NEK10: variants seen among roughly 807,000 people sequenced by gnomAD.
NEK10 encodes serine/threonine-protein kinase Nek10.
NEK10 carries 122 observed loss-of-function variants against 159.8 expected under a neutral mutation model. The ratio of observed to expected loss-of-function variants is 0.76; its 90% CI spans 0.66 to 0.89. The LOEUF (loss-of-function observed/expected upper bound fraction) is 0.89. NEK10 is among the 40% of genes least tolerant of loss of function. The pLI is 0.00. For missense variants in NEK10, 1,342 were observed against 1,323.1 expected, an observed-to-expected ratio of 1.01 and a Z score of -0.22; for synonymous variants, 466 against 457.1, an observed-to-expected ratio of 1.02 and a Z score of -0.25.
intron 1 of NEK10, among the ~76,000 whole-genome samples, chr3:27,359,260 A>C (rs575999262): frequency 1.7e-4 from 26 of 152,158 alleles, no homozygotes; most frequent in Non-Finnish European, 2.6e-4. Flanking sequence ...GTGAAAATAC[A>C]TCAGATTAAA....
rs562834964 is a variant in NEK10 at position 27,219,849 on chromosome 3, A to G, written c.2091-17292T>C. 2.0e-3 allele frequency among the ~76,000 whole-genome samples: 306 copies of G among 152,362 alleles called. 2 individuals carry two copies. Among genetic ancestry groups the G allele is most frequent in the Admixed American group, 4.5e-3 (69 of 15,304 alleles). ...ATTGCAAGAAATTCACAAAAAAATTACAGCTAATATATGAGTTCAGTAAGT... is the reference window on the plus strand; with the variant it reads ...ATTGCAAGAAATTCACAAAAAAATTGCAGCTAATATATGAGTTCAGTAAGT... On this transcript the variant is annotated intron_variant, in intron 23 of 35. Transcript: ENST00000691995.
At chr3:27,307,119 C>G (rs1023481681) in intron 11 of NEK10, among the ~76,000 whole-genome samples, 2 of 152,166 alleles carry the variant, frequency 1.3e-5, no homozygotes, top group African/African-American at 4.8e-5. Flanking sequence ...GTTTTCAACA[C>G]CTGGTACCAA....
At chr3:27,341,122 C>T (rs1335005335) in intron 5 of NEK10, among the ~76,000 whole-genome samples, 1 of 152,070 alleles carries the variant, frequency 6.6e-6, no homozygotes, top group African/African-American at 2.4e-5. Flanking sequence ...TATGTGGTCT[C>T]ACTCATACAT....
intron 22 of NEK10, among the ~76,000 whole-genome samples, chr3:27,260,183 C>T (rs1193055077): frequency 6.6e-6 from 1 of 152,136 alleles, no homozygotes; most frequent in Non-Finnish European, 1.5e-5. Flanking sequence ...AATTTGACTT[C>T]CTTGTTTCCT....
chr3:27,295,787 A>G (rs1342905090), intron 14 of NEK10, 97 bp from the exon 15 acceptor site: 1 of 1,381,846 alleles, frequency 7.2e-7, no homozygotes, highest in Admixed American at 3.0e-5. Flanking sequence ...AATATCAAAG[A>G]AGAAATATTA....
intron 26 of NEK10, among the ~76,000 whole-genome samples, chr3:27,181,813 A>G (rs996233634): frequency 2.2e-4 from 34 of 152,312 alleles, no homozygotes; most frequent in African/African-American, 7.7e-4. Context: ...GGTCCCAGGA[A>G]AGAATAAATG....
chr3:27,353,194 A>T lies in NEK10; in HGVS notation c.-37-275T>A, dbSNP rs114332060. Among the ~76,000 whole-genome samples, 977 of 152,304 alleles carry T rather than the reference A, an allele frequency of 6.4e-3. 15 individuals carry two copies. Among genetic ancestry groups the T allele is most frequent in the African/African-American group, 0.022 (930 of 41,576 alleles). ...CAATTGGTTTGCTTTTATTTTTCTT[A>T]ATCAATTTCTAATGCAATTATTTTA... On this transcript the variant is annotated intron_variant, in intron 1 of 35. Transcript: ENST00000691995.
intron 30 of NEK10, among the ~76,000 whole-genome samples, chr3:27,154,171 A>G (rs916208470): frequency 2.0e-5 from 3 of 152,206 alleles, no homozygotes; most frequent in Non-Finnish European, 4.4e-5. Flanking sequence ...AACTATGAAC[A>G]CCTTTAAGAA....
chr3:27,315,186 C>T (rs548066807), intron 6 of NEK10, among the ~76,000 whole-genome samples: 79 of 152,244 alleles, frequency 5.2e-4, no homozygotes, highest in Non-Finnish European at 9.0e-4. Flanking sequence ...ACTTAACATG[C>T]CCACAAGGAA....
chr3:27,346,591 G>A (rs1241419137), intron 3 of NEK10, among the ~76,000 whole-genome samples: 1 of 152,162 alleles, frequency 6.6e-6, no homozygotes, highest in African/African-American at 2.4e-5. Context: ...GGCATCAGGA[G>A]GTTTTGAAGT....
chr3:27,201,186 T>G (rs1950012304), intron 25 of NEK10, among the ~76,000 whole-genome samples: 1 of 152,230 alleles, frequency 6.6e-6, no homozygotes, highest in Admixed American at 6.5e-5. Flanking sequence ...TTTTGCATAT[T>G]TTTATGAGGT....
intron 19 of NEK10, among the ~76,000 whole-genome samples, chr3:27,289,987 T>C (rs2042884608): frequency 1.3e-5 from 2 of 152,292 alleles, no homozygotes; most frequent in African/African-American, 4.8e-5. Flanking sequence ...GAATTATAAA[T>C]GAACAGTATT....
intron 3 of NEK10, among the ~76,000 whole-genome samples, chr3:27,349,674 G>A (rs549156089): frequency 1.3e-5 from 2 of 152,184 alleles, no homozygotes; most frequent in South Asian, 4.1e-4. Context: ...AAATGTGGAG[G>A]AAGAAAATAA....
At chr3:27,260,388 G>T (rs375787053) in intron 22 of NEK10, among the ~76,000 whole-genome samples, 2 of 152,056 alleles carry the variant, frequency 1.3e-5, no homozygotes, top group Non-Finnish European at 1.5e-5. Flanking sequence ...TTTTGAGATA[G>T]GTCCCATCAA....
At chr3:27,286,738 TG>T (rs2042647468) in intron 20 of NEK10, among the ~76,000 whole-genome samples, 1 of 152,044 alleles carries the variant, frequency 6.6e-6, no homozygotes, top group African/African-American at 2.4e-5. Flanking sequence ...AAAACGTTTT[TG>T]TTTTTTATAT....
intron 23 of NEK10, among the ~76,000 whole-genome samples, chr3:27,243,583 C>T (rs1954765489): frequency 2.0e-5 from 3 of 152,146 alleles, no homozygotes. Flanking sequence ...CATATACTGT[C>T]ATAATGTCTG....
chr3:27,171,182 T>TC (rs551586828), intron 29 of NEK10, among the ~76,000 whole-genome samples: 1 of 152,192 alleles, frequency 6.6e-6, no homozygotes, highest in Non-Finnish European at 1.5e-5. Flanking sequence ...TTTGTTTCAG[T>TC]CCCTACTCTA....
At position 27,268,568 on chromosome 3, in the gene NEK10, T is replaced by C. The variant is rs144424832; in HGVS notation, c.2015-12197A>G. Among the ~76,000 whole-genome samples the C allele has an allele frequency of 2.9e-3, 448 of 152,340 alleles. 4 individuals are homozygous for C. Among genetic ancestry groups the C allele is most frequent in the African/African-American group, 9.1e-3 (379 of 41,588 alleles). ...AAAGTCTGAATGACAGTCCTTCTATTTGCAGCATGGTTTACTGAATATTTT... is the reference window on the plus strand; with the variant it reads ...AAAGTCTGAATGACAGTCCTTCTATCTGCAGCATGGTTTACTGAATATTTT... On this transcript the variant is annotated intron_variant, in intron 22 of 35. Coordinates refer to ENST00000691995, the MANE Select transcript of NEK10 (RefSeq NM_001394966.1).
intron 8 of NEK10, chr3:27,311,771 C>T: frequency 7.2e-6 from 2 of 276,268 alleles, no homozygotes; most frequent in Non-Finnish European, 1.4e-5. Context: ...ATGATTAACC[C>T]AACTTTATAG....
Sources: allele counts gnomAD v4.1 joint callset (sites outside exome capture counted in the v4.1 genomes callset), GRCh38; gene constraint gnomAD v4.1.1; transcripts MANE v1.5; gene names NCBI Gene and HGNC (gene_info 2026-07-23, HGNC 2026-07-21).